Variants in UTP20 observed in about 807,000 individuals in gnomAD.
The protein encoded by UTP20 is small subunit processome component 20 homolog.
A neutral mutation model predicts 329.5 loss-of-function variants in UTP20; 164 were observed. The ratio of observed to expected loss-of-function variants is 0.50; its 90% CI spans 0.44 to 0.57. The LOEUF is 0.57. Among genes scored for constraint, UTP20 ranks in the 20% least tolerant of loss-of-function variants. UTP20 has a pLI of 0.00. For missense variants in UTP20, 3,055 were observed against 3,284.2 expected (o/e 0.93, Z 1.71); for synonymous variants, 1,151 against 1,159.3 (o/e 0.99, Z 0.14).
chr12:101,320,740 T>C (rs1337474718), intron 23 of UTP20, 112 bp from the exon 24 acceptor site: 1 of 823,550 alleles, frequency 1.2e-6, no homozygotes, highest in Non-Finnish European at 1.8e-6. Context: ...TTAGGTCTTG[T>C]GTAAAAATTT....
rs1032718697 is a variant in UTP20 at position 101,327,183 on chromosome 12, C to G, written c.3144C>G (p.Thr1048=). The change falls in exon 26 of 62, where the codon ACC becomes ACG. Residue 1048 remains threonine, a synonymous_variant. Coordinates refer to ENST00000261637, the MANE Select transcript of UTP20 (RefSeq NM_014503.3). ...MAIVLRFLAG[T]QPEEIQIFLD... is the part of the protein sequence containing the mutation. ...TTGTCCTGCGGTTCCTGGCCGGGAC[C>G]CAACCTGAGGAGATCCAGATATTCT... is the stretch of plus-strand genomic sequence containing the variant. The G allele has an allele frequency of 8.7e-6, 14 of 1,612,964 alleles. No individual in the cohort carries two copies. Among genetic ancestry groups the G allele is most frequent in the African/African-American group, 1.3e-5 (1 of 74,890 alleles).
chr12:101,295,513 A>G lies in UTP20; in HGVS notation c.1285A>G (p.Asn429Asp). ...FLPSFLSYIV[N>D]CFLIDDAVVK... The stretch of plus-strand genomic sequence containing the variant: ...ACCAAGCTTTCTGTCATATATTGTG[A>G]ATTGCTTCTTAATTGATGATGCTGT... Residue 429 changes from asparagine (N) to aspartate (D), a missense_variant, in exon 12 of 62, where the codon AAT becomes GAT. Coordinates refer to ENST00000261637, the MANE Select transcript of UTP20 (RefSeq NM_014503.3). 1.2e-6 allele frequency: 2 copies of G among 1,608,882 alleles called. No homozygotes were observed. Among genetic ancestry groups the G allele is most frequent in the Non-Finnish European group, 1.7e-6 (2 of 1,177,694 alleles).
intron 58 of UTP20, among the ~76,000 whole-genome samples, chr12:101,382,765 A>C (rs1870688330): frequency 6.6e-6 from 1 of 151,814 alleles, no homozygotes; most frequent in South Asian, 2.1e-4. Context: ...AGGCATGAGA[A>C]TCATTTAAAC....
intron 18 of UTP20, among the ~76,000 whole-genome samples, 166 bp downstream of exon 18, chr12:101,308,509 A>G (rs1420889816): frequency 6.6e-6 from 1 of 151,996 alleles, no homozygotes; most frequent in Non-Finnish European, 1.5e-5. Flanking sequence ...AAACAGCTCT[A>G]CCAGCTTTTT....
intron 35 of UTP20, among the ~76,000 whole-genome samples, chr12:101,344,158 C>G (rs1869243566): frequency 6.6e-6 from 1 of 152,056 alleles, no homozygotes; most frequent in African/African-American, 2.4e-5. Flanking sequence ...ACAAAAAATT[C>G]TAAGTCGCTG....
chr12:101,308,933 C>A (rs191385686), intron 18 of UTP20, among the ~76,000 whole-genome samples: 192 of 152,176 alleles, frequency 1.3e-3, no homozygotes, highest in African/African-American at 4.5e-3. Flanking sequence ...TGGGGTTTCA[C>A]CGTGTTAGCC....
rs1253448117 is a variant in UTP20 at position 101,383,119 on chromosome 12, AAAG to A, written c.7740_7742del (p.Glu2580del). On this transcript the variant is annotated inframe_deletion, in exon 59 of 62. Coordinates refer to ENST00000261637, the MANE Select transcript of UTP20 (RefSeq NM_014503.3). ...TTGTGAGGATAAGCAAAGTAAGATA[AAAG>A]AAGACCTGGAAGAACAAGAAGCTTT... 3.7e-6 allele frequency: 6 copies of A among 1,614,016 alleles called. No homozygotes were observed. Among genetic ancestry groups the A allele is most frequent in the Non-Finnish European group, 5.1e-6 (6 of 1,179,944 alleles).
chr12:101,338,378 A>G (rs1869006709), intron 30 of UTP20, 101 bp downstream of exon 30: 1 of 1,185,990 alleles, frequency 8.4e-7, no homozygotes, highest in Admixed American at 2.1e-5. Flanking sequence ...ACTCGAGAGC[A>G]TATGCTCAGA....
chr12:101,332,917 A>T (rs1868807157), intron 27 of UTP20, among the ~76,000 whole-genome samples: 1 of 152,190 alleles, frequency 6.6e-6, no homozygotes, highest in African/African-American at 2.4e-5. Flanking sequence ...ATAAGGCATT[A>T]TGTTGGGAAA....
At chr12:101,362,129 C>A in intron 44 of UTP20, 69 bp downstream of exon 44, 3 of 1,116,848 alleles carry the variant, frequency 2.7e-6, no homozygotes, top group African/African-American at 1.6e-5. Context: ...ATCAATTCAC[C>A]AAATAAGAAA....
At chr12:101,380,198 C>T (rs150932315) in intron 57 of UTP20, among the ~76,000 whole-genome samples, 135 of 151,856 alleles carry the variant, frequency 8.9e-4, no homozygotes, top group African/African-American at 3.1e-3. Context: ...GGCAACATGG[C>T]GAAAACCTAT....
rs776035334 is a variant in UTP20 at position 101,379,444 on chromosome 12, C to T, written c.7470C>T (p.Leu2490=). ...CAGCAGCCCAGATTTTTGGATTACT[C>T]TTTGCCTCTTGCCAGCCAGAGGAGC... ...WLTAAQIFGL[L]FASCQPEELI... is the part of the protein sequence containing the mutation. The change falls in exon 57 of 62, where the codon CTC becomes CTT. Residue 2490 remains leucine (L), a synonymous_variant. Coordinates refer to ENST00000261637, the MANE Select transcript of UTP20 (RefSeq NM_014503.3). 6.2e-7 allele frequency: 1 copy of T among 1,614,084 alleles called. No homozygotes were observed. Among genetic ancestry groups the T allele is most frequent in the Non-Finnish European group, 8.5e-7 (1 of 1,179,972 alleles).
intron 1 of UTP20, 62 bp downstream of exon 1, chr12:101,280,389 T>G: frequency 2.6e-6 from 4 of 1,545,552 alleles, no homozygotes; most frequent in Non-Finnish European, 3.5e-6. Context: ...TGAGACAGGC[T>G]CTGAGCGAGA....
In UTP20 at chr12:101,365,545, G is replaced by T; in HGVS notation, c.6045G>T (p.Gln2015His). The change falls in exon 46 of 62, where the codon CAG (glutamine) becomes CAT (histidine). Residue 2015 changes from glutamine to histidine, a missense_variant. By Grantham distance (24) the Gln-to-His change is conservative. Coordinates refer to ENST00000261637, the MANE Select transcript of UTP20 (RefSeq NM_014503.3). ...TCACAGTGGGATTAATTGTAAATCA[G>T]GAAATGACAGCTGAATCCATTCTAT... ...RRITVGLIVN[Q>H]EMTAESILLL... 1 of 1,613,124 alleles carries T rather than the reference G, an allele frequency of 6.2e-7. No individual in the cohort carries two copies.
intron 40 of UTP20, 79 bp downstream of exon 40, chr12:101,353,208 C>A: frequency 1.0e-6 from 1 of 955,728 alleles, no homozygotes; most frequent in Non-Finnish European, 1.6e-6. Context: ...AAGATGGTGA[C>A]ATTCAACTTA....
Position 101,299,986 on chromosome 12 carries a change from GAGA to G in UTP20, c.1603_1605del (p.Lys535del). On this transcript the variant is annotated inframe_deletion, in exon 14 of 62. Coordinates refer to ENST00000261637, the MANE Select transcript of UTP20 (RefSeq NM_014503.3). The stretch of plus-strand genomic sequence containing the variant: ...CCCCTTGGACAGACCTCTTGAGAAA[GAGA>G]AGGTGATACCACTCGTCACCGGCTT... 2 of 1,614,148 alleles carry G rather than the reference GAGA, an allele frequency of 1.2e-6. No individual in the cohort carries two copies. Among genetic ancestry groups the G allele is most frequent in the South Asian group, 1.1e-5 (1 of 91,082 alleles).
chr12:101,329,563 T>C, intron 27 of UTP20, 114 bp downstream of exon 27: 1 of 1,101,236 alleles, frequency 9.1e-7, no homozygotes, highest in South Asian at 1.9e-5. Flanking sequence ...TCAAGTTTGA[T>C]CCCAGAACAA....
chr12:101,355,595 G>A (rs1869692438), intron 41 of UTP20, among the ~76,000 whole-genome samples: 1 of 152,050 alleles, frequency 6.6e-6, no homozygotes, highest in Non-Finnish European at 1.5e-5. Context: ...GCCTGTTTTT[G>A]TACGGTTTTA....
chr12:101,357,736 A>G (rs1397688348), intron 43 of UTP20, among the ~76,000 whole-genome samples: 3 of 152,228 alleles, frequency 2.0e-5, no homozygotes, highest in Admixed American at 1.3e-4. Context: ...CCTGGGCTGC[A>G]GAGTGAAACC....
Sources: allele counts gnomAD v4.1 joint callset (sites outside exome capture counted in the v4.1 genomes callset), GRCh38; gene constraint gnomAD v4.1.1; transcripts MANE v1.5; gene names NCBI Gene and HGNC (gene_info 2026-07-23, HGNC 2026-07-21).